DOK7: variants seen among roughly 807,000 people sequenced by gnomAD.
DOK7 encodes the protein protein Dok-7.
A neutral mutation model predicts 30.7 loss-of-function variants in DOK7; 32 were observed. The observed-to-expected ratio is 1.04, with a 90% CI of 0.79 to 1.40. The LOEUF (loss-of-function observed/expected upper bound fraction) is 1.40. Among genes scored for constraint, DOK7 ranks in the 40% most tolerant of loss-of-function variants. The pLI is 0.00. For missense variants in DOK7, 1,007 were observed against 699.2 expected, an observed-to-expected ratio of 1.44 and a Z score of -4.97; for synonymous variants, 447 against 324.1, an observed-to-expected ratio of 1.38 and a Z score of -4.07.
chr4:3,489,049 C>T (rs1221431418), intron 5 of DOK7, among the ~76,000 whole-genome samples: 1 of 152,278 alleles, frequency 6.6e-6, no homozygotes, highest in South Asian at 2.1e-4. Flanking sequence ...GGTTTCCTGC[C>T]ACTCAGTCGC....
At position 3,489,774 on chromosome 4, in the gene DOK7, T is replaced by C. The variant is rs1220235666; in HGVS notation, c.750T>C (p.His250=). Residue 250 remains histidine (H), a synonymous_variant, in exon 6 of 7, where the codon CAT becomes CAC. Coordinates refer to ENST00000340083, the MANE Select transcript of DOK7 (RefSeq NM_173660.5). ...AGAAGCGGCTGAGCCTCCTCTCACA[T>C]GCGGGCAGGCCGGGCAGTGGAGGTA... The part of the protein sequence containing the change: ...QLEKRLSLLS[H]AGRPGSGGDD... 6.4e-7 allele frequency: 1 copy of C among 1,574,092 alleles called. No individual in the cohort carries two copies. The highest frequency in any genetic ancestry group is 2.3e-5 in the East Asian group (1 of 42,810).
intron 5 of DOK7, among the ~76,000 whole-genome samples, chr4:3,487,151 T>C (rs1330964968): frequency 6.6e-6 from 1 of 152,192 alleles, no homozygotes; most frequent in Non-Finnish European, 1.5e-5. Context: ...GAAAGCTCTG[T>C]TGTCAGGGCC....
chr4:3,477,310 C>G (rs1287399586), intron 4 of DOK7, among the ~76,000 whole-genome samples: 1 of 152,196 alleles, frequency 6.6e-6, no homozygotes, highest in Non-Finnish European at 1.5e-5. Context: ...GGGCTGAAGG[C>G]GGGCAGAGGG....
At chr4:3,483,625 G>A (rs1727573304) in intron 4 of DOK7, among the ~76,000 whole-genome samples, 1 of 152,228 alleles carries the variant, frequency 6.6e-6, no homozygotes, top group East Asian at 1.9e-4. Context: ...CATGGAATGC[G>A]GGGCCGGCTC....
rs1167543218 is a variant in DOK7 at position 3,464,065 on chromosome 4, C to A, written c.100+514C>A. Among the ~76,000 whole-genome samples, 6 of 152,134 alleles carry A rather than the reference C, an allele frequency of 3.9e-5. No homozygotes were observed. In the South Asian group the frequency reaches 8.3e-4, roughly 21 times the overall value. On this transcript the variant is annotated intron_variant, in intron 2 of 6. Transcript: ENST00000340083. ...GAGGAGGCAGGGGTCCCCCCCCAGT[C>A]CCCGCCCTGAGCCAGCACCCCAGCT...
chr4:3,497,091 C>A (rs1266163753), downstream of DOK7, among the ~76,000 whole-genome samples: 5 of 146,988 alleles, frequency 3.4e-5, no homozygotes, highest in African/African-American at 5.1e-5. Flanking sequence ...TGGCAGTGGG[C>A]AGTGGGGGTG....
intron 6 of DOK7, among the ~76,000 whole-genome samples, chr4:3,490,553 C>CCTGCTCATTCGTTTTTTCCTTCTCTCT (rs1190711616): frequency 2.3e-5 from 2 of 87,970 alleles, no homozygotes; most frequent in Non-Finnish European, 2.2e-5. Flanking sequence ...TCCTTCTCCC[C>CCTGCTCATTCGTTTTTTCCTTCTCTCT]CTGCTCATTC....
rs893376566 is a variant in DOK7, at chr4:3,489,809, G to A, written c.772+13G>A. 1 of 1,565,822 alleles carries A rather than the reference G, an allele frequency of 6.4e-7. No homozygotes were observed. ...CCGGGCAGTGGAGGTAGGGCCGGGG[G>A]CTGACCTGGGCTGTGGGACCTCGGC... On this transcript the variant is annotated intron_variant, in intron 6 of 6. Transcript: ENST00000340083.
At chr4:3,475,965 C>T (rs918253896) in intron 3 of DOK7, among the ~76,000 whole-genome samples, 5 of 152,174 alleles carry the variant, frequency 3.3e-5, no homozygotes, top group East Asian at 1.9e-4. Flanking sequence ...CAGGCCCCCT[C>T]GTGGCTGTGA....
intron 4 of DOK7, among the ~76,000 whole-genome samples, chr4:3,477,064 G>C (rs945851947): frequency 1.4e-4 from 17 of 124,466 alleles, no homozygotes; most frequent in Non-Finnish European, 2.6e-4. Flanking sequence ...GAAGGCCTGA[G>C]AGCTGTCCTC....
intron 2 of DOK7, among the ~76,000 whole-genome samples, chr4:3,469,873 C>T (rs1437534650): frequency 3.3e-5 from 5 of 152,182 alleles, no homozygotes; most frequent in Non-Finnish European, 5.9e-5. Flanking sequence ...GCGTCAGCTG[C>T]CGGAGAAGCT....
chr4:3,483,990 A>G (rs547440157), intron 4 of DOK7, among the ~76,000 whole-genome samples: 412 of 152,120 alleles, frequency 2.7e-3, no homozygotes, highest in Non-Finnish European at 5.0e-3. Flanking sequence ...CCTCCCCTCC[A>G]TGCCCACCTC....
rs370102558 is a variant in DOK7, at chr4:3,492,809, G to A, written c.823G>A (p.Val275Ile). 1.3e-5 allele frequency: 21 copies of A among 1,612,672 alleles called. No individual in the cohort carries two copies. Among genetic ancestry groups the A allele is most frequent in the Admixed American group, 5.0e-5 (3 of 60,000 alleles). ...SSSSEASHLD[V>I]SASSRLTAWP... is the part of the protein sequence containing the mutation. ...ATCCTCAGAGGCCAGTCACTTGGAC[G>A]TCAGCGCCAGCAGCCGGCTCACCGC... is the stretch of plus-strand genomic sequence containing the variant. Residue 275 changes from valine to isoleucine, a missense_variant, in exon 7 of 7, where the codon GTC (valine) becomes ATC (isoleucine). Coordinates refer to ENST00000340083, the MANE Select transcript of DOK7 (RefSeq NM_173660.5).
chr4:3,493,235 G>C lies in DOK7; in HGVS notation c.1249G>C (p.Asp417His). The C allele has an allele frequency of 6.2e-7, 1 of 1,612,098 alleles. No homozygotes were observed. The change falls in exon 7 of 7, where the codon GAC (aspartate) becomes CAC (histidine). Residue 417 changes from aspartate (D) to histidine (H), a missense_variant. By Grantham distance (81) the Asp-to-His change is moderately conservative. Transcript: ENST00000340083. ...TPRSLCLAPR[D>H]HSPPSQGSPG... ...ACGCAGCCTTTGCCTGGCTCCTAGA[G>C]ACCACAGCCCCCCCTCACAGGGCAG...
At chr4:3,485,505 G>A (rs1166667720) in intron 4 of DOK7, 34 bp from the exon 5 acceptor site, 52 of 1,521,344 alleles carry the variant, frequency 3.4e-5, no homozygotes, top group Non-Finnish European at 4.4e-5. Context: ...CCGCCCTCGG[G>A]CCAGACTGAC....
chr4:3,474,849 T>C (rs1166199399), intron 3 of DOK7, among the ~76,000 whole-genome samples: 1 of 150,950 alleles, frequency 6.6e-6, no homozygotes, highest in Non-Finnish European at 1.5e-5. Context: ...GAGGTGGAGG[T>C]TGCGGTGACC....
intron 6 of DOK7, among the ~76,000 whole-genome samples, chr4:3,499,967 G>T (rs1729112001): frequency 6.6e-6 from 1 of 151,898 alleles, no homozygotes; most frequent in South Asian, 2.1e-4. Flanking sequence ...CCATGGGGGG[G>T]TCGGCAATTC....
chr4:3,470,580 G>T (rs532326920), intron 2 of DOK7, among the ~76,000 whole-genome samples: 19 of 152,328 alleles, frequency 1.2e-4, no homozygotes, highest in Admixed American at 1.2e-3. Flanking sequence ...GGTGGGGCCG[G>T]CTGGCTTGTG....
chr4:3,489,002 C>T (rs1032757817), intron 5 of DOK7, among the ~76,000 whole-genome samples: 1 of 152,184 alleles, frequency 6.6e-6, no homozygotes, highest in African/African-American at 2.4e-5. Context: ...GCTGAGGGGC[C>T]AGTGAGAGGT....
Sources: gnomAD v4.1 joint callset for allele counts (sites outside exome capture counted in the v4.1 genomes callset) on GRCh38, gnomAD v4.1.1 for gene constraint, MANE v1.5 for transcripts, NCBI Gene and HGNC (gene_info 2026-07-23, HGNC 2026-07-21) for gene names.